The following RIC1 variants were observed in gnomAD, a reference collection of about 807,000 sequenced individuals.
RIC1 encodes the protein RIC1 partner of RAB6A GEF complex, also known as guanine nucleotide exchange factor subunit RIC1.
A neutral mutation model predicts 169.0 loss-of-function variants in RIC1; 88 were observed. The ratio of observed to expected loss-of-function variants is 0.52; its 90% CI spans 0.44 to 0.62. The LOEUF (loss-of-function observed/expected upper bound fraction) is 0.62. RIC1 is among the 20% of genes least tolerant of loss of function. The pLI is 0.00. For missense variants in RIC1, 1,877 were observed against 1,725.5 expected (o/e 1.09, Z -1.56); for synonymous variants, 790 against 601.5 (o/e 1.31, Z -4.59).
rs1686973208 is a variant in RIC1, at chr9:5,673,762, C to T, written c.253-16197C>T. Among the ~76,000 whole-genome samples, 3 of 151,530 alleles carry T rather than the reference C, an allele frequency of 2.0e-5. No homozygotes were observed. The South Asian group carries it at 6.2e-4, about 31-fold the overall frequency. On this transcript the variant is annotated intron_variant, in intron 2 of 25. Coordinates refer to ENST00000414202, the MANE Select transcript of RIC1 (RefSeq NM_020829.4). ...CATGGTAATGTGTAAATTAAGATTCCAATTTTGTGTGAAAATGATAAAAGT... is the reference window on the plus strand; with the variant it reads ...CATGGTAATGTGTAAATTAAGATTCTAATTTTGTGTGAAAATGATAAAAGT...
chr9:5,633,146 TGAGC>T (rs2130231570), intron 1 of RIC1, among the ~76,000 whole-genome samples: 1 of 152,350 alleles, frequency 6.6e-6, no homozygotes, highest in South Asian at 2.1e-4. Context: ...TTAGTAATCC[TGAGC>T]AAAAACTTAG....
At chr9:5,637,926 A>G (rs11788884) in intron 1 of RIC1, among the ~76,000 whole-genome samples, 69,985 of 151,982 alleles carry the variant, frequency 0.46, 16,490 homozygotes, top group East Asian at 0.64. Flanking sequence ...GTCGTGTTCC[A>G]GATCTTAGAG....
chr9:5,705,035 A>G (rs1822484380), intron 3 of RIC1, among the ~76,000 whole-genome samples: 1 of 152,114 alleles, frequency 6.6e-6, no homozygotes. Flanking sequence ...CTGCCCTTGT[A>G]TCATTACCAC....
intron 3 of RIC1, among the ~76,000 whole-genome samples, chr9:5,707,633 T>G (rs958089964): frequency 3.9e-5 from 6 of 152,128 alleles, no homozygotes; most frequent in African/African-American, 1.4e-4. Context: ...CTTCTTTGTC[T>G]CTTGTGATAG....
chr9:5,772,364 T>C (rs911209327), intron 23 of RIC1, among the ~76,000 whole-genome samples, 200 bp from the exon 24 acceptor site: 5 of 152,238 alleles, frequency 3.3e-5, no homozygotes, highest in Non-Finnish European at 5.9e-5. Flanking sequence ...TATTTTTCCA[T>C]CTAAAGGTAC....
chr9:5,740,534 G>A (rs961308284), intron 8 of RIC1, among the ~76,000 whole-genome samples: 1 of 151,582 alleles, frequency 6.6e-6, no homozygotes, highest in African/African-American at 2.4e-5. Context: ...TCCCACAATA[G>A]GCCATCTGCA....
At chr9:5,702,652 C>T (rs1008458417) in intron 3 of RIC1, among the ~76,000 whole-genome samples, 4 of 152,166 alleles carry the variant, frequency 2.6e-5, no homozygotes, top group African/African-American at 9.7e-5. Context: ...AATTCTCCTG[C>T]TTCAGCCTCC....
intron 10 of RIC1, among the ~76,000 whole-genome samples, chr9:5,744,767 G>A (rs1044304216): frequency 3.9e-5 from 6 of 152,124 alleles, no homozygotes; most frequent in African/African-American, 1.4e-4. Flanking sequence ...GGCTTAACCT[G>A]TATTTTTATT....
chr9:5,733,075 G>A (rs544591864), intron 7 of RIC1, among the ~76,000 whole-genome samples: 199 of 152,068 alleles, frequency 1.3e-3, no homozygotes, highest in African/African-American at 4.4e-3. Context: ...ATAAATTTTA[G>A]CTAAAATAAA....
intron 2 of RIC1, among the ~76,000 whole-genome samples, chr9:5,685,707 T>C (rs985106655): frequency 4.6e-5 from 7 of 150,946 alleles, no homozygotes; most frequent in Non-Finnish European, 1.0e-4. Flanking sequence ...ATTCAGGACA[T>C]AGGCATGGGC....
intron 17 of RIC1, among the ~76,000 whole-genome samples, chr9:5,760,420 T>C (rs1042923767): frequency 6.6e-6 from 1 of 152,234 alleles, no homozygotes; most frequent in African/African-American, 2.4e-5. Flanking sequence ...GAAGTGTACT[T>C]TTTTAATGAA....
chr9:5,644,372 A>T (rs1223616320), intron 1 of RIC1, among the ~76,000 whole-genome samples: 1 of 152,216 alleles, frequency 6.6e-6, no homozygotes, highest in Non-Finnish European at 1.5e-5. Flanking sequence ...AGGTGCATCC[A>T]GGTCATAATA....
rs943051910 is a variant in RIC1, at chr9:5,739,809, C to G, written c.901+1271C>G. Among the ~76,000 whole-genome samples, 6 of 152,152 alleles carry G rather than the reference C, an allele frequency of 3.9e-5. No homozygotes were observed. The East Asian group carries it at 9.6e-4, about 24-fold the overall frequency. On this transcript the variant is annotated intron_variant, in intron 8 of 25. Coordinates refer to ENST00000414202, the MANE Select transcript of RIC1 (RefSeq NM_020829.4). ...ACCAGAGTTTACAAACTCAGTGAATCTAGCTTCATCAGGGTCCTCCCACAC... is the reference window on the plus strand; with the variant it reads ...ACCAGAGTTTACAAACTCAGTGAATGTAGCTTCATCAGGGTCCTCCCACAC...
intron 22 of RIC1, chr9:5,769,546 T>C (rs1334163212): frequency 9.6e-7 from 1 of 1,040,114 alleles, no homozygotes; most frequent in Non-Finnish European, 1.3e-6. Flanking sequence ...CTACCATGCT[T>C]ATGTTATTGT....
intron 21 of RIC1, among the ~76,000 whole-genome samples, chr9:5,768,203 A>G (rs1254273852): frequency 6.6e-6 from 1 of 152,174 alleles, no homozygotes; most frequent in East Asian, 1.9e-4. Flanking sequence ...GGAATGAGAG[A>G]CTATACTTAG....
chr9:5,742,997 C>G lies in RIC1; in HGVS notation c.1030C>G (p.Leu344Val). The G allele has an allele frequency of 6.2e-7, 1 of 1,605,822 alleles. No individual in the cohort carries two copies. The highest frequency in any genetic ancestry group is 1.1e-5 in the South Asian group (1 of 88,488). ...SVFGAQLICTLGGDFAYRSDG... is the reference protein window; with the variant it reads ...SVFGAQLICTVGGDFAYRSDG... Reference sequence around the variant, plus strand: ...TTTTGGAGCACAGCTGATTTGTACACTTGGAGGAGATTTTGCGTAAGTCAA... The same window carrying G: ...TTTTGGAGCACAGCTGATTTGTACAGTTGGAGGAGATTTTGCGTAAGTCAA... Residue 344 changes from leucine (L) to valine (V), a missense_variant, in exon 9 of 26, where the codon CTT becomes GTT. Leu to Val is a conservative substitution (Grantham distance 32). Coordinates refer to ENST00000414202, the MANE Select transcript of RIC1 (RefSeq NM_020829.4).
At chr9:5,655,185 T>C (rs1819017993) in intron 1 of RIC1, among the ~76,000 whole-genome samples, 1 of 152,240 alleles carries the variant, frequency 6.6e-6, no homozygotes, top group South Asian at 2.1e-4. Flanking sequence ...AGCGTTGAGC[T>C]GTAGGTTTCT....
chr9:5,693,121 G>T (rs1158834234), intron 3 of RIC1, among the ~76,000 whole-genome samples: 2 of 152,062 alleles, frequency 1.3e-5, no homozygotes, highest in Non-Finnish European at 2.9e-5. Context: ...AAATGATCTG[G>T]AGTGGTTTCT....
chr9:5,677,621 C>T (rs771587298), intron 2 of RIC1, among the ~76,000 whole-genome samples: 15 of 151,616 alleles, frequency 9.9e-5, no homozygotes, highest in African/African-American at 2.0e-4. Context: ...GTTAGGTCTC[C>T]AACTTTGTTC....
Sources: gnomAD v4.1 joint callset for allele counts (sites outside exome capture counted in the v4.1 genomes callset) on GRCh38, gnomAD v4.1.1 for gene constraint, MANE v1.5 for transcripts, NCBI Gene and HGNC (gene_info 2026-07-23, HGNC 2026-07-21) for gene names.